Variants in EVC2 observed in about 807,000 individuals in gnomAD.
EVC2 encodes the protein limbin.
In EVC2, 148 loss-of-function variants were observed where a neutral mutation model predicts 149.3. The ratio of observed to expected loss-of-function variants is 0.99; its 90% confidence interval spans 0.87 to 1.14. EVC2 has a LOEUF of 1.14. Ranked by LOEUF, EVC2 falls within the 50% of genes most tolerant of loss-of-function variation. The probability of loss-of-function intolerance (pLI) is 0.00; values close to 1 mark genes in which losing one functional copy is unlikely to be tolerated. For missense variants in EVC2, 1,854 were observed against 1,627.3 expected (o/e 1.14, Z -2.40); for synonymous variants, 776 against 649.9 (o/e 1.19, Z -2.95).
chr4:5,566,332 A>T (rs895701319), intron 20 of EVC2, among the ~76,000 whole-genome samples: 23 of 152,114 alleles, frequency 1.5e-4, no homozygotes, highest in East Asian at 1.9e-4. Flanking sequence ...CCTCTTCCAC[A>T]CTGGGCCAGG....
chr4:5,543,757 G>C (rs1721561199), intron 21 of EVC2, among the ~76,000 whole-genome samples: 1 of 152,134 alleles, frequency 6.6e-6, no homozygotes, highest in South Asian at 2.1e-4. Context: ...GAGGGAAATG[G>C]TACCTGCTTA....
intron 11 of EVC2, among the ~76,000 whole-genome samples, chr4:5,630,160 G>A (rs913308825): frequency 8.5e-5 from 13 of 152,202 alleles, no homozygotes; most frequent in African/African-American, 2.7e-4. Context: ...AGATTAAATG[G>A]AGGGGGGAGC....
intron 16 of EVC2, among the ~76,000 whole-genome samples, chr4:5,594,166 C>T (rs1447804045): frequency 1.3e-5 from 2 of 152,188 alleles, no homozygotes; most frequent in Admixed American, 6.5e-5. Flanking sequence ...AAAAAGACAG[C>T]AGTAACCTCT....
downstream of EVC2, among the ~76,000 whole-genome samples, chr4:5,541,880 T>G (rs1322595636): frequency 6.6e-6 from 1 of 152,132 alleles, no homozygotes; most frequent in Admixed American, 6.5e-5. Context: ...CTCACGGAGT[T>G]TATGTCCCGA....
At chr4:5,553,713 A>C (rs968909853) in intron 21 of EVC2, among the ~76,000 whole-genome samples, 3 of 152,228 alleles carry the variant, frequency 2.0e-5, no homozygotes, top group African/African-American at 7.2e-5. Context: ...TAGAATATGT[A>C]AATTATATCT....
chr4:5,702,842 C>T (rs1296498206), intron 1 of EVC2, among the ~76,000 whole-genome samples: 10 of 152,224 alleles, frequency 6.6e-5, no homozygotes, highest in African/African-American at 2.4e-4. Context: ...CACCTGGAAT[C>T]ACTGTGGCCT....
chr4:5,586,826 C>T (rs1156571650), intron 16 of EVC2, among the ~76,000 whole-genome samples: 2 of 152,126 alleles, frequency 1.3e-5, no homozygotes, highest in South Asian at 2.1e-4. Context: ...TCATGCCTCC[C>T]GAAAATGTAT....
chr4:5,573,402 A>G lies in EVC2; in HGVS notation c.3360+1283T>C, dbSNP rs142176254. 3.6e-4 allele frequency among the ~76,000 whole-genome samples: 55 copies of G among 152,320 alleles called. No homozygotes were observed. The East Asian group carries it at 6.0e-3, about 17-fold the overall frequency. On this transcript the variant is annotated intron_variant, in intron 19 of 21. Transcript: ENST00000344408. The stretch of plus-strand genomic sequence containing the variant: ...GTGAGGAGGATGGAAGAAGGGCCAG[A>G]GAGATGCAATTTTGCTGGCTTTGAA...
intron 16 of EVC2, among the ~76,000 whole-genome samples, chr4:5,600,635 C>A (rs1713901092): frequency 6.6e-6 from 1 of 152,184 alleles, no homozygotes; most frequent in Non-Finnish European, 1.5e-5. Flanking sequence ...TCCCAAAAAA[C>A]TGAATCCTAA....
At chr4:5,655,399 A>G (rs1008675748) in intron 9 of EVC2, among the ~76,000 whole-genome samples, 3 of 152,118 alleles carry the variant, frequency 2.0e-5, no homozygotes, top group Non-Finnish European at 4.4e-5. Context: ...GTGAGGAGGG[A>G]TTCAAGGGTC....
rs554707540 is a variant in EVC2, at chr4:5,598,463, T to C, written c.2830-13613A>G. Among the ~76,000 whole-genome samples, 1,082 of 152,144 alleles carry C rather than the reference T, an allele frequency of 7.1e-3. 14 individuals are homozygous for C. The highest frequency in any genetic ancestry group is 0.025 in the African/African-American group (1,035 of 41,488). On this transcript the variant is annotated intron_variant, in intron 16 of 21. Coordinates refer to ENST00000344408, the MANE Select transcript of EVC2 (RefSeq NM_147127.5). ...TGACAAACCTGAGAAAAACAAGCAA[T>C]GGGGAAAGGATTCCCTATTTAATAA...
intron 5 of EVC2, among the ~76,000 whole-genome samples, chr4:5,685,690 G>A (rs1005611531): frequency 6.6e-6 from 1 of 152,226 alleles, no homozygotes; most frequent in Non-Finnish European, 1.5e-5. Context: ...GGGAGAGTGA[G>A]CTGGGTGGAC....
the EVC2 span, among the ~76,000 whole-genome samples, chr4:5,536,460 G>C: frequency 6.6e-6 from 1 of 152,076 alleles, no homozygotes; most frequent in African/African-American, 2.4e-5. Context: ...CATTACACTG[G>C]AGAAATATTT....
intron 13 of EVC2, among the ~76,000 whole-genome samples, chr4:5,623,697 G>C (rs1456325374): frequency 6.6e-6 from 1 of 152,094 alleles, no homozygotes; most frequent in Non-Finnish European, 1.5e-5. Flanking sequence ...ACCATTCACT[G>C]AACATGTATT....
intron 16 of EVC2, among the ~76,000 whole-genome samples, chr4:5,597,398 G>C (rs569885210): frequency 9.9e-5 from 15 of 152,056 alleles, no homozygotes; most frequent in East Asian, 5.8e-4. Context: ...CCCTGGGATG[G>C]AAGGCTGGTT....
At chr4:5,706,449 C>CATAGATAGATAG (rs1560243887) in intron 1 of EVC2, among the ~76,000 whole-genome samples, 5 of 35,986 alleles carry the variant, frequency 1.4e-4, no homozygotes, top group East Asian at 2.2e-3. Flanking sequence ...TAGATAGATA[C>CATAGATAGATAG]ATACATACAT....
At chr4:5,536,535 A>T in the EVC2 span, among the ~76,000 whole-genome samples, 1 of 152,196 alleles carries the variant, frequency 6.6e-6, no homozygotes, top group Non-Finnish European at 1.5e-5. Flanking sequence ...CTGTAATCCT[A>T]GCACTTTGGG....
chr4:5,694,633 A>C, intron 2 of EVC2, 132 bp from the exon 3 acceptor site: 4 of 954,832 alleles, frequency 4.2e-6, no homozygotes, highest in Non-Finnish European at 6.7e-6. Context: ...TAAGTTAATG[A>C]AGGAATGAAT....
chr4:5,585,588 A>G (rs4689266), intron 16 of EVC2, among the ~76,000 whole-genome samples: 43,597 of 152,068 alleles, frequency 0.29, 7,787 homozygotes, highest in East Asian at 0.86. Context: ...TGTTTTTTTA[A>G]CAAAACAGCT....
Sources: allele counts gnomAD v4.1 joint callset (sites outside exome capture counted in the v4.1 genomes callset), GRCh38; gene constraint gnomAD v4.1.1; transcripts MANE v1.5; gene names NCBI Gene and HGNC (gene_info 2026-07-23, HGNC 2026-07-21).